The following RPS6KC1 variants were observed in gnomAD, a reference collection of about 807,000 sequenced individuals.
RPS6KC1 encodes ribosomal protein S6 kinase C1, also known as inactive ribosomal protein S6 kinase delta-1.
Under a neutral mutation model 103.8 loss-of-function variants are expected in RPS6KC1, and 54 were observed. The ratio of observed to expected loss-of-function variants is 0.52; its 90% confidence interval spans 0.42 to 0.65. RPS6KC1 has a LOEUF of 0.65. RPS6KC1 is among the 30% of genes least tolerant of loss of function. The pLI is 0.00. For missense variants in RPS6KC1, 1,151 were observed against 1,253.8 expected, an observed-to-expected ratio of 0.92 and a Z score of 1.24; for synonymous variants, 439 against 438.7, an observed-to-expected ratio of 1.00 and a Z score of -0.01.
Position 213,197,523 on chromosome 1 carries a change from A to AGTATGTAT in RPS6KC1, c.1044+21060_1044+21067dup, listed in dbSNP as rs3056229. ...ACCTCCTTGGTTAGGTGTATTCCTA[A>AGTATGTAT]GTATGTATGTATGTATGTATGTATG... is the stretch of plus-strand genomic sequence containing the variant. On this transcript the variant is annotated intron_variant, in intron 8 of 14. Coordinates refer to ENST00000366960, the MANE Select transcript of RPS6KC1 (RefSeq NM_012424.6). Among the ~76,000 whole-genome samples, 968 of 150,636 alleles carry AGTATGTAT rather than the reference A, an allele frequency of 6.4e-3. 4 individuals carry two copies. The highest frequency in any genetic ancestry group is 9.7e-3 in the Non-Finnish European group (656 of 67,670).
chr1:213,662,623 C>T, the RPS6KC1 span, among the ~76,000 whole-genome samples: 5 of 152,138 alleles, frequency 3.3e-5, no homozygotes, highest in South Asian at 4.1e-4. Context: ...AGCTCCCCTG[C>T]GCATAGATGT....
At chr1:213,759,510 A>C in the RPS6KC1 span, among the ~76,000 whole-genome samples, 1 of 152,220 alleles carries the variant, frequency 6.6e-6, no homozygotes, top group Admixed American at 6.5e-5. Context: ...ATGCATGGCC[A>C]CGTGCCATTA....
At chr1:213,536,397 G>A in the RPS6KC1 span, among the ~76,000 whole-genome samples, 1 of 152,078 alleles carries the variant, frequency 6.6e-6, no homozygotes, top group Non-Finnish European at 1.5e-5. Flanking sequence ...TTATGCATTG[G>A]GCAGACAATC....
At chr1:213,305,998 T>C in the RPS6KC1 span, among the ~76,000 whole-genome samples, 3 of 152,234 alleles carry the variant, frequency 2.0e-5, no homozygotes, top group East Asian at 5.8e-4. Flanking sequence ...AGGTAATGCT[T>C]TGGTAACAAC....
At chr1:213,068,622 G>C (rs1280285995) in intron 1 of RPS6KC1, among the ~76,000 whole-genome samples, 1 of 151,274 alleles carries the variant, frequency 6.6e-6, no homozygotes, top group Non-Finnish European at 1.5e-5. Flanking sequence ...TCAAAGATTT[G>C]AATAATGTAT....
At chr1:213,098,586 G>A (rs1232000096) in intron 3 of RPS6KC1, among the ~76,000 whole-genome samples, 1 of 152,044 alleles carries the variant, frequency 6.6e-6, no homozygotes, top group Non-Finnish European at 1.5e-5. Context: ...AGGGAGATTG[G>A]GTACAGCTGG....
At chr1:213,162,458 T>C (rs931882328) in intron 6 of RPS6KC1, among the ~76,000 whole-genome samples, 12 of 152,044 alleles carry the variant, frequency 7.9e-5, no homozygotes, top group African/African-American at 2.2e-4. Context: ...TTAAAAAAAA[T>C]TTTTTGTAAA....
At chr1:213,338,196 C>T in the RPS6KC1 span, among the ~76,000 whole-genome samples, 2 of 152,134 alleles carry the variant, frequency 1.3e-5, no homozygotes, top group African/African-American at 4.8e-5. Context: ...CACATTGATC[C>T]TCACATCAAG....
the RPS6KC1 span, among the ~76,000 whole-genome samples, chr1:213,405,460 G>T: frequency 1.3e-5 from 2 of 152,208 alleles, no homozygotes; most frequent in Non-Finnish European, 2.9e-5. Context: ...AAATTCACCA[G>T]CATCTCTGAG....
the RPS6KC1 span, among the ~76,000 whole-genome samples, chr1:213,610,239 A>T: frequency 1.3e-5 from 2 of 152,166 alleles, no homozygotes; most frequent in African/African-American, 2.4e-5. Flanking sequence ...AGCTCTTCAC[A>T]TCCTTTGTCT....
At chr1:213,578,204 C>T in the RPS6KC1 span, among the ~76,000 whole-genome samples, 1 of 152,336 alleles carries the variant, frequency 6.6e-6, no homozygotes, top group Admixed American at 6.5e-5. Flanking sequence ...TGTGGCTACA[C>T]AGAAGTCAAG....
At chr1:213,610,802 T>A in the RPS6KC1 span, among the ~76,000 whole-genome samples, 1 of 152,192 alleles carries the variant, frequency 6.6e-6, no homozygotes, top group Admixed American at 6.5e-5. Context: ...GTCAGTTTGC[T>A]CCGGTGGGAC....
At position 213,155,986 on chromosome 1, in the gene RPS6KC1, T is replaced by A. The variant is rs1438935686; in HGVS notation, c.836-11872T>A. On this transcript the variant is annotated intron_variant, in intron 6 of 14. Coordinates refer to ENST00000366960, the MANE Select transcript of RPS6KC1 (RefSeq NM_012424.6). ...ACACCCACCACCCAACATGGTAAAA[T>A]TCAAAATGTTACCATTCATGCATAG... 2.6e-5 allele frequency among the ~76,000 whole-genome samples: 4 copies of A among 152,270 alleles called. No individual in the cohort carries two copies. The East Asian group carries it at 7.7e-4, about 29-fold the overall frequency.
intron 3 of RPS6KC1, among the ~76,000 whole-genome samples, chr1:213,090,436 T>C (rs750465982): frequency 1.3e-5 from 2 of 152,206 alleles, no homozygotes; most frequent in Non-Finnish European, 2.9e-5. Flanking sequence ...AATAAAAGTA[T>C]GAGTTAAGAT....
the RPS6KC1 span, among the ~76,000 whole-genome samples, chr1:213,778,548 G>A: frequency 0.049 from 7,456 of 152,096 alleles, 239 homozygotes; most frequent in Non-Finnish European, 0.069. Context: ...GCAACAATGT[G>A]GCCTGATCCT....
the RPS6KC1 span, among the ~76,000 whole-genome samples, chr1:213,672,556 G>A: frequency 6.6e-6 from 1 of 152,050 alleles, no homozygotes; most frequent in Non-Finnish European, 1.5e-5. Flanking sequence ...TGGCCTTCCT[G>A]CTATGTCTCT....
chr1:213,641,378 G>A, the RPS6KC1 span, among the ~76,000 whole-genome samples: 1 of 151,970 alleles, frequency 6.6e-6, no homozygotes, highest in African/African-American at 2.4e-5. Flanking sequence ...AGCTTTGTTT[G>A]AATTGTATTA....
intron 7 of RPS6KC1, among the ~76,000 whole-genome samples, chr1:213,172,550 T>C (rs2091554183): frequency 6.6e-6 from 1 of 152,212 alleles, no homozygotes; most frequent in Non-Finnish European, 1.5e-5. Flanking sequence ...GAGATCGAGC[T>C]TGCAGTGAGC....
the RPS6KC1 span, among the ~76,000 whole-genome samples, chr1:213,648,765 C>T: frequency 6.6e-6 from 1 of 152,128 alleles, no homozygotes; most frequent in Non-Finnish European, 1.5e-5. Context: ...TATGAGATAT[C>T]ACTGTAGCCT....
Sources: allele counts gnomAD v4.1 joint callset (sites outside exome capture counted in the v4.1 genomes callset), GRCh38; gene constraint gnomAD v4.1.1; transcripts MANE v1.5; gene names NCBI Gene and HGNC (gene_info 2026-07-23, HGNC 2026-07-21).